XRCC1: variants seen among roughly 807,000 people sequenced by gnomAD.
XRCC1 encodes X-ray repair cross complementing 1.
XRCC1 carries 52 observed loss-of-function variants against 83.3 expected under a neutral mutation model. The observed-to-expected ratio is 0.62, with a 90% confidence interval of 0.50 to 0.79. The LOEUF is 0.79. Ranked by LOEUF, XRCC1 falls within the 30% of genes least tolerant of loss-of-function variation. The pLI is 0.00. For missense variants in XRCC1, 793 were observed against 823.5 expected (o/e 0.96, Z 0.45); for synonymous variants, 281 against 312.6 (o/e 0.90, Z 1.07).
At position 43,545,947 on chromosome 19, in the gene XRCC1, G is replaced by C; in HGVS notation, c.1492C>G (p.Gln498Glu). 1 of 1,613,874 alleles carries C rather than the reference G, an allele frequency of 6.2e-7. No individual in the cohort carries two copies. Among genetic ancestry groups the C allele is most frequent in the Non-Finnish European group, 8.5e-7 (1 of 1,179,870 alleles). Residue 498 changes from glutamine to glutamate, a missense_variant, in exon 14 of 17, where the codon CAG becomes GAG. By Grantham distance (29) the Gln-to-Glu change is conservative. Transcript: ENST00000262887. ...CCAGGGGGCAGTCTGTGTTCCTTCT[G>C]CTCTGCCACCCTGGGGGTGCCAAGA... ...TEDELRRVAEQKEHRLPPGQE... is the reference protein window; with the variant it reads ...TEDELRRVAEEKEHRLPPGQE...
chr19:43,570,979 G>A (rs1340335759), intron 2 of XRCC1, among the ~76,000 whole-genome samples: 3 of 152,184 alleles, frequency 2.0e-5, no homozygotes, highest in Non-Finnish European at 2.9e-5. Context: ...AACAACTGCT[G>A]CAATGCTGAT....
At chr19:43,560,813 T>C in intron 3 of XRCC1, 97 bp downstream of exon 3, 1 of 989,034 alleles carries the variant, frequency 1.0e-6, no homozygotes. Context: ...GACTCACATC[T>C]GCCCCATGTC....
chr19:43,569,929 C>G (rs1972791827), intron 2 of XRCC1, among the ~76,000 whole-genome samples: 1 of 152,186 alleles, frequency 6.6e-6, no homozygotes, highest in African/African-American at 2.4e-5. Flanking sequence ...CAAAATGAAT[C>G]TATGCTGTTA....
intron 2 of XRCC1, among the ~76,000 whole-genome samples, chr19:43,566,642 G>T (rs936686685): frequency 6.6e-5 from 10 of 151,966 alleles, no homozygotes; most frequent in African/African-American, 9.7e-5. Context: ...ACTTTGGGAG[G>T]CCAAGGCAGG....
intron 2 of XRCC1, among the ~76,000 whole-genome samples, chr19:43,570,398 G>C (rs910137695): frequency 6.6e-6 from 1 of 152,162 alleles, no homozygotes; most frequent in Admixed American, 6.5e-5. Flanking sequence ...CAGGTGTGTG[G>C]GGCTGTCATA....
intron 9 of XRCC1, among the ~76,000 whole-genome samples, 163 bp from the exon 10 acceptor site, chr19:43,551,850 C>CA (rs1223671393): frequency 2.0e-5 from 3 of 151,934 alleles, no homozygotes; most frequent in Admixed American, 2.0e-4. Context: ...GGGAGAGATG[C>CA]AAAAATCAGA....
chr19:43,561,100 T>G, intron 2 of XRCC1, 80 bp from the exon 3 acceptor site: 1 of 1,092,650 alleles, frequency 9.2e-7, no homozygotes, highest in Non-Finnish European at 1.4e-6. Context: ...GAATCTCCTT[T>G]GGATCACCAT....
At chr19:43,567,459 G>A (rs3213286) in intron 2 of XRCC1, among the ~76,000 whole-genome samples, 8,357 of 151,804 alleles carry the variant, frequency 0.055, 312 homozygotes, top group East Asian at 0.11. Flanking sequence ...CTACAGGCAC[G>A]CACCACCACC....
Position 43,544,000 on chromosome 19 carries a change from C to G in XRCC1, c.1712+144G>C. On this transcript the variant is annotated intron_variant, in intron 15 of 16. Coordinates refer to ENST00000262887, the MANE Select transcript of XRCC1 (RefSeq NM_006297.3). Reference sequence around the variant, plus strand: ...GGTGGGCAAGCTAGCATTCGGATTCCATGACCTGTGCCCACCTGCTGGGCA... The same window carrying G: ...GGTGGGCAAGCTAGCATTCGGATTCGATGACCTGTGCCCACCTGCTGGGCA... 4.8e-6 allele frequency: 4 copies of G among 827,086 alleles called. No homozygotes were observed. In the South Asian group the frequency reaches 7.1e-5, roughly 15 times the overall value. The allele number at this position is 827,086 out of a possible 1,614,324, so 51.2% of individuals were successfully genotyped here.
intron 3 of XRCC1, among the ~76,000 whole-genome samples, chr19:43,555,757 C>A (rs1483122125): frequency 6.6e-6 from 1 of 152,230 alleles, no homozygotes; most frequent in Non-Finnish European, 1.5e-5. Flanking sequence ...CTGGTTCTTT[C>A]TATCAAATTA....
At chr19:43,552,718 G>A (rs1600048786) in intron 8 of XRCC1, 79 bp downstream of exon 8, 1 of 1,363,136 alleles carries the variant, frequency 7.3e-7, no homozygotes, top group Non-Finnish European at 1.0e-6. Flanking sequence ...TCAGATTCAG[G>A]ACAGCAGGCT....
At chr19:43,549,628 C>A (rs1336881074) in intron 10 of XRCC1, among the ~76,000 whole-genome samples, 2 of 152,092 alleles carry the variant, frequency 1.3e-5, no homozygotes, top group Non-Finnish European at 2.9e-5. Flanking sequence ...GCAATCATGG[C>A]TCATTGCAGC....
At chr19:43,549,967 G>T (rs1033062397) in intron 10 of XRCC1, among the ~76,000 whole-genome samples, 15 of 151,862 alleles carry the variant, frequency 9.9e-5, no homozygotes, top group African/African-American at 3.6e-4. Context: ...CCCAGATATA[G>T]CACCAGCCCA....
chr19:43,555,266 CA>C (rs1172289452), intron 3 of XRCC1: 1 of 152,832 alleles, frequency 6.5e-6, no homozygotes, highest in African/African-American at 2.4e-5. Flanking sequence ...TTTCTCAGCT[CA>C]AACCTACCCT....
intron 2 of XRCC1, among the ~76,000 whole-genome samples, chr19:43,567,292 A>G (rs1972763355): frequency 6.6e-6 from 1 of 150,954 alleles, no homozygotes; most frequent in Non-Finnish European, 1.5e-5. Flanking sequence ...AAACCCTGAA[A>G]TGTGCACTTT....
intron 2 of XRCC1, among the ~76,000 whole-genome samples, chr19:43,567,300 T>G (rs1415499273): frequency 6.7e-6 from 1 of 149,842 alleles, no homozygotes; most frequent in Middle Eastern, 3.2e-3. Context: ...AAATGTGCAC[T>G]TTATTTATTT....
intron 10 of XRCC1, among the ~76,000 whole-genome samples, chr19:43,551,247 C>T (rs1440928635): frequency 6.6e-6 from 1 of 152,202 alleles, no homozygotes; most frequent in Non-Finnish European, 1.5e-5. Context: ...GGATTACAGG[C>T]GTGAGCCACT....
rs746329720 is a variant in XRCC1 at position 43,544,195 on chromosome 19, A to T, written c.1661T>A (p.Phe554Tyr). ...GAGTTTCCGCCGCTCGTCCCCAGGGAACTCCCCGTAAAGAAAGAAGTGCTT... is the reference window on the plus strand; with the variant it reads ...GAGTTTCCGCCGCTCGTCCCCAGGGTACTCCCCGTAAAGAAAGAAGTGCTT... ...QGKHFFLYGEFPGDERRKLIR... is the reference protein window; with the variant it reads ...QGKHFFLYGEYPGDERRKLIR... Residue 554 changes from phenylalanine to tyrosine, a missense_variant, in exon 15 of 17, where the codon TTC becomes TAC. Phe to Tyr is a conservative substitution (Grantham distance 22). Transcript: ENST00000262887. The T allele has an allele frequency of 4.3e-6, 7 of 1,611,086 alleles. No homozygotes were observed. The highest frequency in any genetic ancestry group is 5.9e-6 in the Non-Finnish European group (7 of 1,178,792).
intron 4 of XRCC1, chr19:43,553,919 CAG>C (rs1273185170): frequency 1.3e-5 from 6 of 463,096 alleles, no homozygotes; most frequent in Non-Finnish European, 2.3e-5. Flanking sequence ...GGGCAATTGG[CAG>C]AGTCTACTAG....
Sources: allele counts gnomAD v4.1 joint callset (sites outside exome capture counted in the v4.1 genomes callset), GRCh38; gene constraint gnomAD v4.1.1; transcripts MANE v1.5; gene names NCBI Gene and HGNC (gene_info 2026-07-23, HGNC 2026-07-21).